The following ATP8A2 variants were observed in gnomAD, a reference collection of about 807,000 sequenced individuals.
ATP8A2 encodes the protein ATPase phospholipid transporting 8A2.
Under a neutral mutation model 165.6 loss-of-function variants are expected in ATP8A2, and 100 were observed. The ratio of observed to expected loss-of-function variants is 0.60; its 90% CI spans 0.51 to 0.71. The LOEUF (loss-of-function observed/expected upper bound fraction) is 0.71. Ranked by LOEUF, ATP8A2 falls within the 30% of genes least tolerant of loss-of-function variation. ATP8A2 has a pLI of 0.00. For missense variants in ATP8A2, 1,227 were observed against 1,479.5 expected, an observed-to-expected ratio of 0.83 and a Z score of 2.80; for synonymous variants, 543 against 548.8, an observed-to-expected ratio of 0.99 and a Z score of 0.15.
chr13:25,883,951 G>A (rs988666235), intron 33 of ATP8A2, among the ~76,000 whole-genome samples: 1 of 152,212 alleles, frequency 6.6e-6, no homozygotes, highest in Non-Finnish European at 1.5e-5. Context: ...ATGACAGGAA[G>A]CAGAGCAAGG....
chr13:25,450,584 TGCA>T (rs2035189924), intron 1 of ATP8A2, among the ~76,000 whole-genome samples: 1 of 152,110 alleles, frequency 6.6e-6, no homozygotes. Context: ...CAGGCTGGAG[TGCA>T]GTGGTGTGAT....
chr13:25,702,085 CTT>C (rs1405501045), intron 25 of ATP8A2, among the ~76,000 whole-genome samples: 1 of 152,106 alleles, frequency 6.6e-6, no homozygotes, highest in Non-Finnish European at 1.5e-5. Flanking sequence ...AAAATTTAAA[CTT>C]AAGCTAAATT....
intron 27 of ATP8A2, among the ~76,000 whole-genome samples, chr13:25,794,962 G>A (rs1300428006): frequency 2.6e-5 from 4 of 151,762 alleles, no homozygotes; most frequent in African/African-American, 9.7e-5. Flanking sequence ...TCAGCCTCTT[G>A]TTTGTAATCT....
At chr13:25,888,007 G>A (rs1045340128) in intron 33 of ATP8A2, among the ~76,000 whole-genome samples, 7 of 151,368 alleles carry the variant, frequency 4.6e-5, no homozygotes, top group Non-Finnish European at 8.8e-5. Flanking sequence ...TTTTGAGGTC[G>A]TGGAAGTTGA....
At chr13:25,501,963 T>G (rs559717024) in intron 2 of ATP8A2, among the ~76,000 whole-genome samples, 3 of 152,334 alleles carry the variant, frequency 2.0e-5, no homozygotes, top group Admixed American at 2.0e-4. Context: ...TGGAAAGACA[T>G]GCGTGGAAGC....
At chr13:25,633,332 G>A (rs2041290510) in intron 24 of ATP8A2, among the ~76,000 whole-genome samples, 1 of 152,052 alleles carries the variant, frequency 6.6e-6, no homozygotes. Context: ...TTTAAGGTGA[G>A]TCATTGTATA....
chr13:25,941,658 C>T lies in ATP8A2; in HGVS notation c.3184-19917C>T, dbSNP rs117844358. 8.3e-3 allele frequency among the ~76,000 whole-genome samples: 1,260 copies of T among 152,260 alleles called. 13 individuals are homozygous for T. The highest frequency in any genetic ancestry group is 8.0e-3 in the Non-Finnish European group (544 of 68,018). Reference sequence around the variant, plus strand: ...CCTCTTGTTCCCCATATAGTCCTGGCAGCAGCACACACTGAATCCAACTGT... The same window carrying T: ...CCTCTTGTTCCCCATATAGTCCTGGTAGCAGCACACACTGAATCCAACTGT... On this transcript the variant is annotated intron_variant, in intron 33 of 36. Transcript: ENST00000381655.
At chr13:25,646,616 C>G (rs550288737) in intron 24 of ATP8A2, among the ~76,000 whole-genome samples, 2 of 134,682 alleles carry the variant, frequency 1.5e-5, no homozygotes, top group Non-Finnish European at 3.1e-5. Context: ...GATCGTGCCT[C>G]TGTACTCCAG....
rs112594247 is a variant in ATP8A2, at chr13:25,772,762, TA to T, written c.2569-2086del. Among the ~76,000 whole-genome samples the T allele has an allele frequency of 8.2e-4, 125 of 151,804 alleles. 1 individual carries two copies. Among genetic ancestry groups the T allele is most frequent in the African/African-American group, 2.1e-3 (86 of 41,442 alleles). ...TTTATTTATTTATTTATTTATTTAT[TA>T]TTTTTTTTATTCAGAGTTTCACTCA... On this transcript the variant is annotated intron_variant, in intron 26 of 36. Transcript: ENST00000381655.
In ATP8A2 at chr13:25,683,472, A is replaced by C. The variant is rs549897808; in HGVS notation, c.2212-15701A>C. 1.8e-4 allele frequency among the ~76,000 whole-genome samples: 27 copies of C among 152,298 alleles called. 2 individuals carry two copies. The highest frequency in any genetic ancestry group is 3.4e-3 in the Middle Eastern group (1 of 294). ...TACTTCTGTGGGTTTCAGTCTACAC[A>C]TTTGTATTTTATTCTTGTCATTAGA... is the stretch of plus-strand genomic sequence containing the variant. On this transcript the variant is annotated intron_variant, in intron 24 of 36. Coordinates refer to ENST00000381655, the MANE Select transcript of ATP8A2 (RefSeq NM_016529.6).
chr13:25,802,685 T>G (rs1291736742), intron 27 of ATP8A2, among the ~76,000 whole-genome samples: 1 of 152,082 alleles, frequency 6.6e-6, no homozygotes, highest in Admixed American at 6.6e-5. Context: ...AATAGATAAG[T>G]CTGAAAATAG....
chr13:25,741,006 G>A lies in ATP8A2; in HGVS notation c.2385-28040G>A, dbSNP rs142398342. Among the ~76,000 whole-genome samples the A allele has an allele frequency of 2.5e-3, 378 of 152,158 alleles. 5 individuals are homozygous for A. The highest frequency in any genetic ancestry group is 8.8e-3 in the African/African-American group (365 of 41,524). The stretch of plus-strand genomic sequence containing the variant: ...ATTCAACTTTCTTAAATATGGCTAC[G>A]GTATTATAGATAAAGCTATGTGAGT... On this transcript the variant is annotated intron_variant, in intron 25 of 36. Coordinates refer to ENST00000381655, the MANE Select transcript of ATP8A2 (RefSeq NM_016529.6).
chr13:25,708,674 G>C (rs928118952), intron 25 of ATP8A2, among the ~76,000 whole-genome samples: 1 of 152,166 alleles, frequency 6.6e-6, no homozygotes, highest in Non-Finnish European at 1.5e-5. Context: ...AGTCAGCAAG[G>C]TGTAGCCACA....
intron 2 of ATP8A2, among the ~76,000 whole-genome samples, chr13:25,471,727 T>C (rs1036530337): frequency 1.3e-5 from 2 of 152,180 alleles, no homozygotes; most frequent in Admixed American, 1.3e-4. Context: ...CCAGACTGAT[T>C]GTATTATTAG....
At position 25,404,512 on chromosome 13, in the gene ATP8A2, A is replaced by G. The variant is rs1358271479; in HGVS notation, c.76+32224A>G. ...GGAGAGTGGTCATAGTGAGGAAAGC[A>G]TTCAAGGAGAGGAATAAGTGGGGGA... On this transcript the variant is annotated intron_variant, in intron 1 of 36. Coordinates refer to ENST00000381655, the MANE Select transcript of ATP8A2 (RefSeq NM_016529.6). 3.3e-5 allele frequency among the ~76,000 whole-genome samples: 5 copies of G among 152,140 alleles called. No individual in the cohort carries two copies. The East Asian group carries it at 9.7e-4, about 30-fold the overall frequency.
At chr13:25,889,796 C>T (rs1036342209) in intron 33 of ATP8A2, among the ~76,000 whole-genome samples, 2 of 152,080 alleles carry the variant, frequency 1.3e-5, no homozygotes, top group African/African-American at 4.8e-5. Context: ...TGGCCCATTC[C>T]TTAAATGTAA....
chr13:25,805,353 G>A (rs1950712254), intron 27 of ATP8A2, among the ~76,000 whole-genome samples: 1 of 151,816 alleles, frequency 6.6e-6, no homozygotes, highest in African/African-American at 2.4e-5. Context: ...TATAAAAAAT[G>A]CAAAAATACA....
At position 25,503,948 on chromosome 13, in the gene ATP8A2, T is replaced by C. The variant is rs776677547; in HGVS notation, c.222-26051T>C. Among the ~76,000 whole-genome samples the C allele has an allele frequency of 2.0e-4, 30 of 152,244 alleles. 1 individual carries two copies. Among genetic ancestry groups the C allele is most frequent in the Non-Finnish European group, 2.9e-5 (2 of 68,050 alleles). ...CTTCTCCAGTAGGATTTGGAGATTGTCCTTTGCTAATGGTTATCCAAATGT... is the reference window on the plus strand; with the variant it reads ...CTTCTCCAGTAGGATTTGGAGATTGCCCTTTGCTAATGGTTATCCAAATGT... On this transcript the variant is annotated intron_variant, in intron 2 of 36. Transcript: ENST00000381655.
chr13:25,425,163 G>C lies in ATP8A2; in HGVS notation c.77-43814G>C, dbSNP rs149213200. 1.1e-4 allele frequency among the ~76,000 whole-genome samples: 17 copies of C among 152,234 alleles called. No homozygotes were observed. In the East Asian group the frequency reaches 2.9e-3, roughly 26 times the overall value. ...GTACACACCCTGAAATATATACTCT[G>C]TGTGTAAGTCTCAGTACATAGGCTA... On this transcript the variant is annotated intron_variant, in intron 1 of 36. Transcript: ENST00000381655.
Sources: allele counts gnomAD v4.1 joint callset (sites outside exome capture counted in the v4.1 genomes callset), GRCh38; gene constraint gnomAD v4.1.1; transcripts MANE v1.5; gene names NCBI Gene and HGNC (gene_info 2026-07-23, HGNC 2026-07-21).